Variants in KCNN2 observed in about 807,000 individuals in gnomAD.
KCNN2 encodes potassium calcium-activated channel subfamily N member 2, also known as small conductance calcium-activated potassium channel protein 2.
Under a neutral mutation model 55.5 loss-of-function variants are expected in KCNN2, and 24 were observed. The ratio of observed to expected loss-of-function variants is 0.43; its 90% CI spans 0.31 to 0.61. The LOEUF (loss-of-function observed/expected upper bound fraction) is 0.61, where lower values mean the gene tolerates loss of function less well. Ranked by LOEUF, KCNN2 falls within the 20% of genes least tolerant of loss-of-function variation. KCNN2 has a pLI of 0.08. For synonymous variants in KCNN2, 431 were observed against 336.1 expected (o/e 1.28, Z -3.09); for missense variants, 754 against 853.6 (o/e 0.88, Z 1.45).
chr5:114,345,600 C>T (rs977392840), intron 2 of KCNN2, among the ~76,000 whole-genome samples: 1 of 145,914 alleles, frequency 6.9e-6, no homozygotes, highest in Admixed American at 6.7e-5. Context: ...AAGAACCGAT[C>T]TAACTAACTT....
intron 2 of KCNN2, among the ~76,000 whole-genome samples, chr5:114,248,445 A>G (rs1754790744): frequency 6.6e-6 from 1 of 152,190 alleles, no homozygotes; most frequent in Admixed American, 6.5e-5. Flanking sequence ...GAAAGGTAAG[A>G]TATATATGGA....
At chr5:114,386,350 G>C (rs1263942515) in intron 2 of KCNN2, among the ~76,000 whole-genome samples, 1 of 151,990 alleles carries the variant, frequency 6.6e-6, no homozygotes, top group Non-Finnish European at 1.5e-5. Flanking sequence ...CCATTTTATT[G>C]ATTACTGTAT....
intron 2 of KCNN2, among the ~76,000 whole-genome samples, chr5:114,317,540 T>G (rs1379026091): frequency 1.3e-5 from 2 of 152,204 alleles, no homozygotes; most frequent in Non-Finnish European, 2.9e-5. Flanking sequence ...TATCTGGAAA[T>G]TAACCTCTTT....
At chr5:114,372,466 A>G (rs1265436985) in intron 2 of KCNN2, among the ~76,000 whole-genome samples, 2 of 152,198 alleles carry the variant, frequency 1.3e-5, no homozygotes, top group Non-Finnish European at 2.9e-5. Flanking sequence ...TGTTTACTGC[A>G]GTGTCAGGAT....
intron 1 of KCNN2, among the ~76,000 whole-genome samples, chr5:114,188,113 G>T (rs868581167): frequency 1.3e-5 from 2 of 152,110 alleles, no homozygotes; most frequent in African/African-American, 4.8e-5. Flanking sequence ...GAGCCCGGCC[G>T]TCTCTGGCTT....
At chr5:114,112,897 A>G (rs1318531508) in intron 1 of KCNN2, among the ~76,000 whole-genome samples, 3 of 152,076 alleles carry the variant, frequency 2.0e-5, no homozygotes, top group African/African-American at 4.8e-5. Context: ...CAGTTCAGAG[A>G]ATATAATTCC....
intron 2 of KCNN2, among the ~76,000 whole-genome samples, chr5:114,344,738 C>T (rs569925343): frequency 6.6e-6 from 1 of 152,178 alleles, no homozygotes; most frequent in African/African-American, 2.4e-5. Flanking sequence ...GGTTACCTCC[C>T]TGGAGCCAAG....
chr5:114,417,250 G>A (rs758605755), intron 3 of KCNN2, among the ~76,000 whole-genome samples: 1 of 152,176 alleles, frequency 6.6e-6, no homozygotes, highest in Non-Finnish European at 1.5e-5. Flanking sequence ...TAATTTAATG[G>A]TGACCAGCCC....
intron 2 of KCNN2, among the ~76,000 whole-genome samples, chr5:114,282,992 G>A (rs2150013706): frequency 6.6e-6 from 1 of 152,182 alleles, no homozygotes; most frequent in East Asian, 1.9e-4. Flanking sequence ...TTAAGATTTT[G>A]TTATTGTCTT....
intron 2 of KCNN2, among the ~76,000 whole-genome samples, 199 bp from the exon 3 acceptor site, chr5:114,404,239 A>G (rs1357645915): frequency 1.3e-5 from 2 of 152,202 alleles, no homozygotes; most frequent in Non-Finnish European, 2.9e-5. Context: ...CCTGAGTACC[A>G]AGTTTTTAAT....
At chr5:114,282,789 G>A (rs1191079134) in intron 2 of KCNN2, among the ~76,000 whole-genome samples, 1 of 152,118 alleles carries the variant, frequency 6.6e-6, no homozygotes, top group East Asian at 1.9e-4. Context: ...AGAACCTTCT[G>A]GAGAAGCTGT....
rs369867913 is a variant in KCNN2, at chr5:114,241,786, ATATATATG to A, written c.-185+20229_-185+20236del. ...TACGTATATATATACATATATACGT[ATATATATG>A]TATATATATACGTATATATATATAT... is the stretch of plus-strand genomic sequence containing the variant. On this transcript the variant is annotated intron_variant, in intron 2 of 10. Coordinates refer to the KCNN2 transcript ENST00000512097. Among the ~76,000 whole-genome samples, 11 of 24,066 alleles carry A rather than the reference ATATATATG, an allele frequency of 4.6e-4. 1 individual carries two copies. Among genetic ancestry groups the A allele is most frequent in the African/African-American group, 2.2e-3 (10 of 4,604 alleles). The allele number at this position is 24,066 out of a possible 152,430, so 15.8% of individuals were successfully genotyped here.
chr5:114,364,144 C>T, intron 2 of KCNN2, 143 bp downstream of exon 2: 1 of 625,938 alleles, frequency 1.6e-6, no homozygotes, highest in Non-Finnish European at 2.9e-6. Context: ...ACCGTTAGCA[C>T]CTGACCTGTT....
At chr5:114,381,177 G>A (rs976953633) in intron 2 of KCNN2, among the ~76,000 whole-genome samples, 1 of 152,122 alleles carries the variant, frequency 6.6e-6, no homozygotes, top group Non-Finnish European at 1.5e-5. Context: ...TTAGCATAAA[G>A]TTTTTCTGCT....
chr5:114,316,093 C>T (rs979123740), intron 2 of KCNN2, among the ~76,000 whole-genome samples: 2 of 152,114 alleles, frequency 1.3e-5, no homozygotes, highest in African/African-American at 2.4e-5. Context: ...TCATCACACA[C>T]GCATATAGTG....
At chr5:114,440,827 T>A (rs1580838258) in intron 3 of KCNN2, among the ~76,000 whole-genome samples, 3 of 94,296 alleles carry the variant, frequency 3.2e-5, no homozygotes, top group East Asian at 1.2e-3. Context: ...AGGGAGCATA[T>A]AACAAACAGG....
At chr5:114,493,542 G>C (rs529931686) in intron 7 of KCNN2, 70 bp downstream of exon 7, 6 of 1,078,844 alleles carry the variant, frequency 5.6e-6, no homozygotes, top group African/African-American at 4.6e-5. Flanking sequence ...CACTAATCAT[G>C]AATGTTTCAA....
chr5:114,477,105 T>G (rs1003309063), intron 5 of KCNN2, among the ~76,000 whole-genome samples: 1 of 84,562 alleles, frequency 1.2e-5, no homozygotes, highest in African/African-American at 3.0e-5. Flanking sequence ...TACATATTGT[T>G]AGAGAAAAAT....
intron 1 of KCNN2, among the ~76,000 whole-genome samples, chr5:114,075,604 A>T (rs2112532214): frequency 6.6e-6 from 1 of 152,360 alleles, no homozygotes; most frequent in African/African-American, 2.4e-5. Context: ...AGTTGGCCAC[A>T]AATCCTTCCC....
Sources: allele counts gnomAD v4.1 joint callset (sites outside exome capture counted in the v4.1 genomes callset), GRCh38; gene constraint gnomAD v4.1.1; transcripts MANE v1.5; gene names NCBI Gene and HGNC (gene_info 2026-07-23, HGNC 2026-07-21).